CEP350: variants seen among roughly 807,000 people sequenced by gnomAD.
CEP350 encodes the protein centrosomal protein 350.
CEP350 carries 126 observed loss-of-function variants against 331.8 expected under a neutral mutation model. The ratio of observed to expected loss-of-function variants is 0.38; its 90% CI spans 0.33 to 0.44. The LOEUF is 0.44. Among genes scored for constraint, CEP350 ranks in the 20% least tolerant of loss-of-function variants. The pLI is 1.00. For synonymous variants in CEP350, 1,200 were observed against 1,259.5 expected (o/e 0.95, Z 1.00); for missense variants, 3,406 against 3,634.6 (o/e 0.94, Z 1.62).
At chr1:180,067,928 A>T (rs1658642862) in intron 27 of CEP350, among the ~76,000 whole-genome samples, 1 of 152,238 alleles carries the variant, frequency 6.6e-6, no homozygotes, top group Admixed American at 6.5e-5. Flanking sequence ...TATGGTAGAC[A>T]CCTAACAACA....
intron 23 of CEP350, 38 bp downstream of exon 23, chr1:180,053,204 G>A: frequency 1.7e-6 from 2 of 1,203,316 alleles, no homozygotes; most frequent in Non-Finnish European, 2.3e-6. Flanking sequence ...AATGGTTGTG[G>A]ATATGTTCTC....
At chr1:180,070,309 T>C (rs1385700020) in intron 27 of CEP350, among the ~76,000 whole-genome samples, 1 of 152,218 alleles carries the variant, frequency 6.6e-6, no homozygotes, top group Non-Finnish European at 1.5e-5. Context: ...AAATTTAGTT[T>C]ATAATTTTAT....
At chr1:180,018,083 G>A (rs1385539056) in intron 11 of CEP350, among the ~76,000 whole-genome samples, 3 of 152,170 alleles carry the variant, frequency 2.0e-5, no homozygotes, top group African/African-American at 7.2e-5. Context: ...ATAGCTTACT[G>A]CAGCCTCAAC....
At chr1:180,092,108 A>G (rs1335628866) in intron 33 of CEP350, among the ~76,000 whole-genome samples, 1 of 152,056 alleles carries the variant, frequency 6.6e-6, no homozygotes, top group Admixed American at 6.6e-5. Context: ...ACTATATTGT[A>G]CTTTGATCAT....
chr1:179,957,278 A>G (rs1057167965), intron 1 of CEP350, among the ~76,000 whole-genome samples: 2 of 152,138 alleles, frequency 1.3e-5, no homozygotes, highest in Admixed American at 6.5e-5. Flanking sequence ...TGTTGAGACA[A>G]CTGATGATTT....
intron 30 of CEP350, 82 bp downstream of exon 30, chr1:180,080,743 C>G (rs149517461): frequency 8.3e-7 from 1 of 1,200,028 alleles, no homozygotes; most frequent in African/African-American, 1.5e-5. Flanking sequence ...GTTTGTTGAC[C>G]TTAGGAAGCA....
chr1:180,082,558 G>GC (rs1351493917), intron 30 of CEP350, among the ~76,000 whole-genome samples: 1 of 152,030 alleles, frequency 6.6e-6, no homozygotes, highest in Admixed American at 6.6e-5. Flanking sequence ...CAAGCAGTCT[G>GC]CCCACCTTTG....
chr1:180,002,841 A>G (rs1385304537), intron 6 of CEP350, among the ~76,000 whole-genome samples: 1 of 152,214 alleles, frequency 6.6e-6, no homozygotes, highest in Non-Finnish European at 1.5e-5. Context: ...AAAATAAGAC[A>G]CAAAAGACAC....
intron 1 of CEP350, among the ~76,000 whole-genome samples, chr1:179,959,944 C>T (rs1446582851): frequency 1.4e-5 from 2 of 147,284 alleles, no homozygotes; most frequent in Admixed American, 6.7e-5. Flanking sequence ...TGAAGTAAAT[C>T]CTCACTTAAT....
At chr1:180,024,249 C>G (rs765119606) in intron 13 of CEP350, among the ~76,000 whole-genome samples, 170 bp from the exon 14 acceptor site, 8 of 151,410 alleles carry the variant, frequency 5.3e-5, no homozygotes, top group African/African-American at 1.2e-4. Context: ...TAAATTGAAC[C>G]ATAGGGAACA....
chr1:180,072,386 T>C (rs1227057664), intron 27 of CEP350, among the ~76,000 whole-genome samples: 3 of 152,194 alleles, frequency 2.0e-5, no homozygotes, highest in African/African-American at 7.2e-5. Context: ...CTTTTTGTAC[T>C]AGGTCATGCA....
chr1:180,004,330 C>T (rs1029085511), intron 7 of CEP350, among the ~76,000 whole-genome samples: 1 of 152,152 alleles, frequency 6.6e-6, no homozygotes, highest in Non-Finnish European at 1.5e-5. Context: ...AAGACTAACC[C>T]ATCTACTTGT....
chr1:179,964,391 T>G (rs1650842234), intron 1 of CEP350, among the ~76,000 whole-genome samples: 1 of 152,094 alleles, frequency 6.6e-6, no homozygotes, highest in African/African-American at 2.4e-5. Context: ...ATAGAGGGGA[T>G]GCTTCTAACT....
chr1:180,073,470 A>T (rs778999332), intron 27 of CEP350, among the ~76,000 whole-genome samples: 1 of 152,204 alleles, frequency 6.6e-6, no homozygotes, highest in Non-Finnish European at 1.5e-5. Context: ...TTAAAGCTTA[A>T]TTGAAAACTA....
chr1:180,109,632 T>G (rs540000080), intron 37 of CEP350, among the ~76,000 whole-genome samples: 35 of 152,112 alleles, frequency 2.3e-4, no homozygotes, highest in South Asian at 1.0e-3. Context: ...AATGTGTTTT[T>G]TTTGTTTGTT....
At chr1:180,043,802 G>C (rs1033485327) in intron 20 of CEP350, among the ~76,000 whole-genome samples, 1 of 128,054 alleles carries the variant, frequency 7.8e-6, no homozygotes, top group Admixed American at 8.2e-5. Context: ...GTGTGTGTGT[G>C]TGTTTTCTTA....
intron 1 of CEP350, chr1:179,969,557 G>A: frequency 2.9e-6 from 1 of 344,732 alleles, no homozygotes; most frequent in Non-Finnish European, 5.7e-6. Context: ...CAGGGTTGAT[G>A]GAAAATAAGC....
chr1:180,016,719 T>C (rs1410558109), intron 11 of CEP350, among the ~76,000 whole-genome samples: 1 of 146,624 alleles, frequency 6.8e-6, no homozygotes, highest in Non-Finnish European at 1.5e-5. Flanking sequence ...TGGAGTGCAG[T>C]GGCACAGTCT....
intron 37 of CEP350, among the ~76,000 whole-genome samples, chr1:180,110,531 A>G (rs1000404273): frequency 6.6e-6 from 1 of 152,194 alleles, no homozygotes. Context: ...AGGCTAAGCT[A>G]TATGTTCAGT....
Sources: gnomAD v4.1 joint callset for allele counts (sites outside exome capture counted in the v4.1 genomes callset) on GRCh38, gnomAD v4.1.1 for gene constraint, MANE v1.5 for transcripts, NCBI Gene and HGNC (gene_info 2026-07-23, HGNC 2026-07-21) for gene names.